SPHKAP: variants seen among roughly 807,000 people sequenced by gnomAD.
SPHKAP encodes SPHK1 interactor, AKAP domain containing.
SPHKAP carries 67 observed loss-of-function variants against 137.5 expected under a neutral mutation model. The ratio of observed to expected loss-of-function variants is 0.49; its 90% CI spans 0.40 to 0.60. The LOEUF (loss-of-function observed/expected upper bound fraction) is 0.60. SPHKAP is among the 20% of genes least tolerant of loss of function. The probability of loss-of-function intolerance (pLI) is 0.00; values close to 1 mark genes in which losing one functional copy is unlikely to be tolerated. For missense variants in SPHKAP, 2,097 were observed against 2,069.3 expected, an observed-to-expected ratio of 1.01 and a Z score of -0.26; for synonymous variants, 813 against 785.3, an observed-to-expected ratio of 1.04 and a Z score of -0.59.
chr2:228,170,621 CT>C (rs1559213252), intron 1 of SPHKAP, among the ~76,000 whole-genome samples: 1 of 152,032 alleles, frequency 6.6e-6, no homozygotes. Context: ...ATCATTACCA[CT>C]TTTTTAATAT....
At chr2:228,033,589 C>T (rs1331330749) in intron 3 of SPHKAP, among the ~76,000 whole-genome samples, 2 of 152,144 alleles carry the variant, frequency 1.3e-5, no homozygotes, top group African/African-American at 2.4e-5. Flanking sequence ...GTTTTCAGCA[C>T]CACACCACAC....
intron 1 of SPHKAP, among the ~76,000 whole-genome samples, chr2:228,150,347 A>G (rs570349416): frequency 1.3e-5 from 2 of 152,254 alleles, no homozygotes; most frequent in African/African-American, 4.8e-5. Context: ...TTTGTATACT[A>G]TTGGAATTAC....
At chr2:228,096,984 T>G (rs1698006994) in intron 3 of SPHKAP, among the ~76,000 whole-genome samples, 1 of 152,200 alleles carries the variant, frequency 6.6e-6, no homozygotes, top group African/African-American at 2.4e-5. Context: ...CTAGGTGTTT[T>G]TCTTTTTTAA....
intron 7 of SPHKAP, among the ~76,000 whole-genome samples, chr2:228,007,832 T>C (rs1156813269): frequency 1.3e-5 from 2 of 152,092 alleles, no homozygotes; most frequent in Admixed American, 6.6e-5. Context: ...CATCAATAAA[T>C]GGTGTAGGAA....
chr2:228,121,683 C>T (rs1049960634), intron 2 of SPHKAP, among the ~76,000 whole-genome samples: 1 of 152,182 alleles, frequency 6.6e-6, no homozygotes, highest in African/African-American at 2.4e-5. Context: ...GAGTATGAGC[C>T]CTGATATGAG....
chr2:228,155,612 G>A (rs1407316051), intron 1 of SPHKAP, among the ~76,000 whole-genome samples: 2 of 152,050 alleles, frequency 1.3e-5, no homozygotes, highest in East Asian at 3.9e-4. Context: ...CTCATTATTA[G>A]GACAATATAG....
At chr2:228,170,133 A>G (rs1700540490) in intron 1 of SPHKAP, among the ~76,000 whole-genome samples, 1 of 152,130 alleles carries the variant, frequency 6.6e-6, no homozygotes, top group Non-Finnish European at 1.5e-5. Context: ...ATGGAGTCTG[A>G]AGATATGACT....
chr2:228,027,778 C>T (rs994927303), intron 3 of SPHKAP, among the ~76,000 whole-genome samples: 9 of 151,698 alleles, frequency 5.9e-5, no homozygotes, highest in African/African-American at 2.2e-4. Flanking sequence ...CCATCCTGGC[C>T]AACATGGTGA....
At chr2:228,106,701 A>C (rs898490981) in intron 3 of SPHKAP, among the ~76,000 whole-genome samples, 2 of 151,970 alleles carry the variant, frequency 1.3e-5, no homozygotes, top group Non-Finnish European at 2.9e-5. Flanking sequence ...CTAGTCCATC[A>C]CCTCTGTGGT....
At chr2:228,005,063 A>G (rs1006802855) in intron 7 of SPHKAP, among the ~76,000 whole-genome samples, 3 of 152,188 alleles carry the variant, frequency 2.0e-5, no homozygotes, top group African/African-American at 7.2e-5. Context: ...CTAGATGTCT[A>G]TTAGGTCCAC....
intron 3 of SPHKAP, among the ~76,000 whole-genome samples, chr2:228,080,306 T>C (rs187700146): frequency 6.6e-6 from 1 of 152,144 alleles, no homozygotes; most frequent in Non-Finnish European, 1.5e-5. Flanking sequence ...ATTTAAAAAT[T>C]GACAAATAAT....
chr2:228,154,115 A>G (rs1423151946), intron 1 of SPHKAP, among the ~76,000 whole-genome samples: 1 of 152,178 alleles, frequency 6.6e-6, no homozygotes, highest in Admixed American at 6.5e-5. Context: ...TCAACCATCT[A>G]CTTTCTCTTT....
At chr2:228,030,513 C>CAAAAAAA (rs11287311) in intron 3 of SPHKAP, among the ~76,000 whole-genome samples, 15 of 48,722 alleles carry the variant, frequency 3.1e-4, no homozygotes, top group Non-Finnish European at 4.4e-4. Flanking sequence ...GATACCATCT[C>CAAAAAAA]AAAAAAAAAA....
At chr2:228,176,258 G>C (rs1700737539) in intron 1 of SPHKAP, among the ~76,000 whole-genome samples, 1 of 152,084 alleles carries the variant, frequency 6.6e-6, no homozygotes, top group Non-Finnish European at 1.5e-5. Flanking sequence ...CCCAATTCTC[G>C]AAGACAAGCT....
At chr2:228,066,992 AAC>A (rs1274464229) in intron 3 of SPHKAP, among the ~76,000 whole-genome samples, 1 of 152,206 alleles carries the variant, frequency 6.6e-6, no homozygotes, top group Non-Finnish European at 1.5e-5. Context: ...CTTAATGTAA[AAC>A]AGATCCAGAA....
intron 7 of SPHKAP, among the ~76,000 whole-genome samples, chr2:227,997,745 A>C (rs1693688633): frequency 6.6e-6 from 1 of 152,128 alleles, no homozygotes; most frequent in Non-Finnish European, 1.5e-5. Context: ...TTTTGGTGAA[A>C]TGGAAGGCTT....
Position 227,990,836 on chromosome 2 carries a change from A to G in SPHKAP, c.4959+164T>C, listed in dbSNP as rs1019841799. Reference sequence around the variant, plus strand: ...ATCAAAGAAACGCTAAGTATATTATATTTACACAGGTGGAAGATTTCAATG... The same window carrying G: ...ATCAAAGAAACGCTAAGTATATTATGTTTACACAGGTGGAAGATTTCAATG... On this transcript the variant is annotated intron_variant, in intron 11 of 11. Coordinates refer to ENST00000392056, the MANE Select transcript of SPHKAP (RefSeq NM_001142644.2). 5.7e-6 allele frequency: 4 copies of G among 705,608 alleles called. No homozygotes were observed. In the Admixed American group the frequency reaches 1.2e-4, roughly 20 times the overall value. The allele number at this position is 705,608 out of a possible 1,614,324, so 43.7% of individuals were successfully genotyped here.
At chr2:228,094,460 C>G (rs948701169) in intron 3 of SPHKAP, among the ~76,000 whole-genome samples, 23 of 152,300 alleles carry the variant, frequency 1.5e-4, no homozygotes, top group African/African-American at 5.1e-4. Flanking sequence ...TAGAAAAACA[C>G]TTGTACATTC....
chr2:228,031,004 A>C (rs1039555826), intron 3 of SPHKAP, among the ~76,000 whole-genome samples: 1 of 152,218 alleles, frequency 6.6e-6, no homozygotes, highest in African/African-American at 2.4e-5. Context: ...TACCAGGCTC[A>C]TCTCACTAGG....
Sources: gnomAD v4.1 joint callset for allele counts (sites outside exome capture counted in the v4.1 genomes callset) on GRCh38, gnomAD v4.1.1 for gene constraint, MANE v1.5 for transcripts, NCBI Gene and HGNC (gene_info 2026-07-23, HGNC 2026-07-21) for gene names.